MEGF11: variants seen among roughly 807,000 people sequenced by gnomAD.
The protein encoded by MEGF11 is multiple epidermal growth factor-like domains protein 11.
MEGF11 carries 126 observed loss-of-function variants against 146.6 expected under a neutral mutation model. The ratio of observed to expected loss-of-function variants is 0.86; its 90% CI spans 0.74 to 1.00. The LOEUF (loss-of-function observed/expected upper bound fraction) is 1.00. Ranked by LOEUF, MEGF11 falls within the 50% of genes least tolerant of loss-of-function variation. The pLI, the probability that MEGF11 is intolerant of heterozygous loss-of-function variation, is 0.00. For missense variants in MEGF11, 1,509 were observed against 1,521.2 expected, an observed-to-expected ratio of 0.99 and a Z score of 0.13; for synonymous variants, 532 against 583.4, an observed-to-expected ratio of 0.91 and a Z score of 1.27.
At chr15:66,245,288 C>A (rs982001085) in intron 1 of MEGF11, among the ~76,000 whole-genome samples, 2 of 151,996 alleles carry the variant, frequency 1.3e-5, no homozygotes, top group Admixed American at 6.6e-5. Flanking sequence ...TGGGCTTCAT[C>A]TGGTAGGTGC....
At chr15:66,134,258 C>T (rs946935227) in intron 1 of MEGF11, among the ~76,000 whole-genome samples, 1 of 152,140 alleles carries the variant, frequency 6.6e-6, no homozygotes, top group Non-Finnish European at 1.5e-5. Flanking sequence ...ATTCTGGGCC[C>T]TCAAACCGCC....
At chr15:66,165,991 C>T (rs1056751816) in intron 1 of MEGF11, among the ~76,000 whole-genome samples, 2 of 152,136 alleles carry the variant, frequency 1.3e-5, no homozygotes, top group African/African-American at 2.4e-5. Context: ...CAAAGCCCCT[C>T]CAGCTATACA....
chr15:65,994,523 G>A (rs894349591), intron 5 of MEGF11, among the ~76,000 whole-genome samples: 2 of 152,224 alleles, frequency 1.3e-5, no homozygotes, highest in Non-Finnish European at 2.9e-5. Context: ...GTGGGAAAGA[G>A]GAGTGAGAGA....
chr15:66,235,387 G>A (rs56857762), intron 1 of MEGF11, among the ~76,000 whole-genome samples: 2,765 of 151,760 alleles, frequency 0.018, 80 homozygotes, highest in African/African-American at 0.063. Context: ...CTTTATTCCC[G>A]GCTACTTGGG....
chr15:65,914,960 G>T (rs1305649097), intron 19 of MEGF11, among the ~76,000 whole-genome samples: 3 of 152,138 alleles, frequency 2.0e-5, no homozygotes, highest in Non-Finnish European at 4.4e-5. Context: ...CTGGACCCTG[G>T]GACTCCATCC....
intron 1 of MEGF11, among the ~76,000 whole-genome samples, chr15:66,221,443 T>C (rs1486083097): frequency 2.0e-5 from 3 of 152,024 alleles, no homozygotes; most frequent in African/African-American, 7.3e-5. Flanking sequence ...CCATTGCCTT[T>C]GGTATCTACA....
intron 1 of MEGF11, among the ~76,000 whole-genome samples, chr15:66,248,165 G>A (rs909918138): frequency 6.6e-5 from 10 of 152,152 alleles, no homozygotes; most frequent in African/African-American, 2.4e-4. Flanking sequence ...ATGATTGTGA[G>A]GATATAACAC....
At chr15:65,947,655 C>A (rs572697498) in intron 10 of MEGF11, among the ~76,000 whole-genome samples, 1 of 152,308 alleles carries the variant, frequency 6.6e-6, no homozygotes, top group South Asian at 2.1e-4. Context: ...ATTTGTGGCC[C>A]TATCCCTGCC....
chr15:66,191,217 T>C (rs1265640097), intron 1 of MEGF11, among the ~76,000 whole-genome samples: 1 of 152,186 alleles, frequency 6.6e-6, no homozygotes, highest in Admixed American at 6.5e-5. Context: ...CATCCTGCAA[T>C]GGGGACCACG....
rs187347025 is a variant in MEGF11, at chr15:66,071,176, C to T, written c.394+23226G>A. On this transcript the variant is annotated intron_variant, in intron 5 of 25. Transcript: ENST00000395614. ...CCCTCCCCGCCCTCACCTCCTGCCC[C>T]GTACACAGGTATAGGATAACACCTA... is the stretch of plus-strand genomic sequence containing the variant. 1.5e-3 allele frequency among the ~76,000 whole-genome samples: 236 copies of T among 152,298 alleles called. 2 individuals carry two copies. The highest frequency in any genetic ancestry group is 1.2e-3 in the South Asian group (6 of 4,822).
chr15:66,127,688 A>AC (rs2088428902), intron 2 of MEGF11, among the ~76,000 whole-genome samples: 1 of 152,150 alleles, frequency 6.6e-6, no homozygotes, highest in Admixed American at 6.5e-5. Context: ...CAATACTTTA[A>AC]CCTTGTGCTT....
chr15:66,171,301 C>T (rs2090248442), intron 1 of MEGF11, among the ~76,000 whole-genome samples: 2 of 152,182 alleles, frequency 1.3e-5, no homozygotes, highest in Admixed American at 6.5e-5. Context: ...GACAGAGAAT[C>T]GGGGAAGCTG....
chr15:66,093,888 A>T (rs1347433430), intron 5 of MEGF11, among the ~76,000 whole-genome samples: 2 of 152,168 alleles, frequency 1.3e-5, no homozygotes, highest in Admixed American at 1.3e-4. Flanking sequence ...ACCCACAAAA[A>T]TGTAGGAACA....
intron 1 of MEGF11, among the ~76,000 whole-genome samples, chr15:66,189,471 G>A (rs2090811876): frequency 6.6e-6 from 1 of 152,210 alleles, no homozygotes; most frequent in African/African-American, 2.4e-5. Context: ...GGGAAGCTGA[G>A]GTTGAGGCCC....
intron 10 of MEGF11, among the ~76,000 whole-genome samples, chr15:65,937,061 T>G (rs775845289): frequency 1.3e-5 from 2 of 152,208 alleles, no homozygotes; most frequent in Admixed American, 1.3e-4. Flanking sequence ...CAAGACCTTC[T>G]GAGCTGAACA....
intron 2 of MEGF11, among the ~76,000 whole-genome samples, chr15:66,125,072 G>A (rs535582453): frequency 1.3e-5 from 2 of 152,358 alleles, no homozygotes; most frequent in East Asian, 1.9e-4. Context: ...AGCTCCCCAA[G>A]TGGGTCCACG....
intron 5 of MEGF11, among the ~76,000 whole-genome samples, chr15:66,027,770 C>A (rs142211285): frequency 1.3e-5 from 2 of 152,290 alleles, no homozygotes; most frequent in Non-Finnish European, 2.9e-5. Context: ...GCCCTCTATG[C>A]CCTCCTCTCC....
chr15:66,170,013 C>T (rs372097980), intron 1 of MEGF11, among the ~76,000 whole-genome samples: 1,364 of 61,926 alleles, frequency 0.022, 9 homozygotes, highest in Admixed American at 0.048. Context: ...GACCGTCTGC[C>T]GAAAAAAAAA....
chr15:66,077,575 G>A (rs894233361), intron 5 of MEGF11, among the ~76,000 whole-genome samples: 1 of 152,234 alleles, frequency 6.6e-6, no homozygotes, highest in African/African-American at 2.4e-5. Context: ...AGGAGAGCAA[G>A]TCTACCAGAT....
Sources: gnomAD v4.1 joint callset for allele counts (sites outside exome capture counted in the v4.1 genomes callset) on GRCh38, gnomAD v4.1.1 for gene constraint, MANE v1.5 for transcripts, NCBI Gene and HGNC (gene_info 2026-07-23, HGNC 2026-07-21) for gene names.